MYO3B: variants seen among roughly 807,000 people sequenced by gnomAD.
MYO3B encodes the protein myosin-IIIb.
In MYO3B, 156 loss-of-function variants were observed where a neutral mutation model predicts 174.6. The observed-to-expected ratio is 0.89, with a 90% CI of 0.78 to 1.02. The LOEUF (loss-of-function observed/expected upper bound fraction) is 1.02, where lower values mean the gene tolerates loss of function less well. MYO3B is among the 50% of genes least tolerant of loss of function. MYO3B has a pLI of 0.00. For synonymous variants in MYO3B, 563 were observed against 569.1 expected, an observed-to-expected ratio of 0.99 and a Z score of 0.15; for missense variants, 1,632 against 1,639.4, an observed-to-expected ratio of 1.00 and a Z score of 0.08.
At chr2:170,200,347 T>C (rs2092647890) in intron 3 of MYO3B, 63 bp downstream of exon 3, 1 of 1,563,744 alleles carries the variant, frequency 6.4e-7, no homozygotes, top group Admixed American at 1.9e-5. Flanking sequence ...ACAGATGCTT[T>C]ATTACCTAGA....
Position 170,199,249 on chromosome 2 carries a change from T to C in MYO3B, c.44T>C (p.Leu15Pro). 6.2e-7 allele frequency: 1 copy of C among 1,613,448 alleles called. No homozygotes were observed. Among genetic ancestry groups the C allele is most frequent in the Non-Finnish European group, 8.5e-7 (1 of 1,179,626 alleles). The change falls in exon 2 of 35, where the codon CTT becomes CCT. Residue 15 changes from leucine to proline, a missense_variant. By Grantham distance (98) the Leu-to-Pro change is moderately conservative. Coordinates refer to ENST00000408978, the MANE Select transcript of MYO3B (RefSeq NM_138995.5). ...YGLFHYNPMMLGLESLPDPTD... is the reference protein window; with the variant it reads ...YGLFHYNPMMPGLESLPDPTD... The stretch of plus-strand genomic sequence containing the variant: ...TTATTTCACTATAATCCTATGATGC[T>C]TGGACTTGAATCACTTCCAGATCCC...
intron 32 of MYO3B, among the ~76,000 whole-genome samples, chr2:170,556,196 GAAAA>G (rs560028726): frequency 2.8e-5 from 4 of 142,576 alleles, no homozygotes; most frequent in Admixed American, 7.0e-5. Flanking sequence ...ACTCTGTCTA[GAAAA>G]AAAAAAAAAG....
intron 6 of MYO3B, among the ~76,000 whole-genome samples, chr2:170,235,692 A>C (rs1172931709): frequency 1.3e-5 from 2 of 152,218 alleles, no homozygotes; most frequent in Non-Finnish European, 2.9e-5. Flanking sequence ...AAAGAATAGC[A>C]GGGTTGGGAT....
intron 1 of MYO3B, among the ~76,000 whole-genome samples, chr2:170,182,974 C>T (rs2092420794): frequency 6.7e-6 from 1 of 149,644 alleles, no homozygotes; most frequent in African/African-American, 2.5e-5. Context: ...AAAAACAAAG[C>T]GGCTGGGCGC....
intron 9 of MYO3B, among the ~76,000 whole-genome samples, chr2:170,370,561 C>T (rs1228561954): frequency 6.6e-6 from 1 of 151,088 alleles, no homozygotes; most frequent in African/African-American, 2.4e-5. Flanking sequence ...CCCCAGGGAG[C>T]TGAAATCTCT....
In MYO3B at chr2:170,236,199, TAATA is replaced by T. The variant is rs577629137; in HGVS notation, c.749+68_749+71del. On this transcript the variant is annotated intron_variant, in intron 7 of 34. Transcript: ENST00000408978. The stretch of plus-strand genomic sequence containing the variant: ...TTGTGAAAGCGTCTGGTTAGAGGGA[TAATA>T]AATAGTTTGCAAGCAATTTCTCTCC... The T allele has an allele frequency of 1.3e-4, 201 of 1,592,288 alleles. 3 individuals are homozygous for T. In the South Asian group the frequency reaches 1.8e-3, roughly 14 times the overall value.
intron 23 of MYO3B, among the ~76,000 whole-genome samples, chr2:170,445,216 G>A (rs2094831669): frequency 1.3e-5 from 2 of 152,236 alleles, no homozygotes; most frequent in South Asian, 4.1e-4. Context: ...CAGCATTTGT[G>A]TCATTGAACT....
chr2:170,241,788 T>C (rs924745493), intron 7 of MYO3B, among the ~76,000 whole-genome samples: 1 of 152,038 alleles, frequency 6.6e-6, no homozygotes, highest in African/African-American at 2.4e-5. Context: ...CATCCTGAAA[T>C]AGGATCCTTG....
intron 30 of MYO3B, among the ~76,000 whole-genome samples, chr2:170,535,020 C>A (rs529612787): frequency 1.3e-5 from 2 of 152,298 alleles, no homozygotes; most frequent in East Asian, 3.9e-4. Flanking sequence ...AAATTGCAGA[C>A]CCTGCCTCCA....
intron 32 of MYO3B, among the ~76,000 whole-genome samples, chr2:170,562,903 CTA>C (rs59284490): frequency 0.035 from 5,326 of 152,144 alleles, 291 homozygotes; most frequent in African/African-American, 0.12. Flanking sequence ...TAAAGGGAAA[CTA>C]TGTGAGATGC....
At chr2:170,463,008 T>TA (rs1174516867) in intron 23 of MYO3B, among the ~76,000 whole-genome samples, 17 of 152,236 alleles carry the variant, frequency 1.1e-4, no homozygotes, top group African/African-American at 4.1e-4. Context: ...CACGTCTTTA[T>TA]AATCATTTCG....
chr2:170,377,819 C>T (rs1185446902), intron 9 of MYO3B, among the ~76,000 whole-genome samples: 1 of 152,182 alleles, frequency 6.6e-6, no homozygotes, highest in African/African-American at 2.4e-5. Context: ...AGTGCCTTAC[C>T]ACATACTTTT....
intron 32 of MYO3B, among the ~76,000 whole-genome samples, chr2:170,651,152 A>G (rs1287349516): frequency 2.0e-5 from 3 of 152,134 alleles, no homozygotes; most frequent in African/African-American, 7.2e-5. Context: ...ATTTTAGCTC[A>G]AGCCATTTCC....
At chr2:170,197,690 C>T (rs1392532634) in intron 1 of MYO3B, among the ~76,000 whole-genome samples, 3 of 150,900 alleles carry the variant, frequency 2.0e-5, no homozygotes, top group Admixed American at 6.6e-5. Context: ...GAAACAAATT[C>T]GGAACCTCCA....
At chr2:170,184,128 T>TA in intron 1 of MYO3B, among the ~76,000 whole-genome samples, 1 of 152,166 alleles carries the variant, frequency 6.6e-6, no homozygotes, top group Non-Finnish European at 1.5e-5. Flanking sequence ...GATACAGGCA[T>TA]ATAATGCATA....
In MYO3B at chr2:170,554,689, C is replaced by T. The variant is rs1305589518; in HGVS notation, c.3733+10701C>T. ...GTGAAAAGTTCTTGCTAAACTTTTC[C>T]GGTGCTTTCCTGAGTTCGTTAGGTC... is the stretch of plus-strand genomic sequence containing the variant. On this transcript the variant is annotated intron_variant, in intron 32 of 34. Transcript: ENST00000408978. Among the ~76,000 whole-genome samples the T allele has an allele frequency of 9.2e-5, 14 of 152,242 alleles. No homozygotes were observed. The East Asian group carries it at 1.2e-3, about 13-fold the overall frequency.
chr2:170,205,908 G>A (rs543274230), intron 3 of MYO3B, among the ~76,000 whole-genome samples: 1 of 151,946 alleles, frequency 6.6e-6, no homozygotes, highest in South Asian at 2.1e-4. Flanking sequence ...ATATTATATG[G>A]GTAGTATACA....
chr2:170,617,609 T>A (rs2105317006), intron 32 of MYO3B, among the ~76,000 whole-genome samples: 1 of 152,330 alleles, frequency 6.6e-6, no homozygotes, highest in African/African-American at 2.4e-5. Flanking sequence ...TAATTTGGAA[T>A]GTTCAGGTCC....
At chr2:170,546,327 C>T (rs533863022) in intron 32 of MYO3B, among the ~76,000 whole-genome samples, 52 of 152,244 alleles carry the variant, frequency 3.4e-4, no homozygotes, top group African/African-American at 1.2e-3. Flanking sequence ...GCCTAGGTCT[C>T]GAATTGAATT....
Sources: gnomAD v4.1 joint callset for allele counts (sites outside exome capture counted in the v4.1 genomes callset) on GRCh38, gnomAD v4.1.1 for gene constraint, MANE v1.5 for transcripts, NCBI Gene and HGNC (gene_info 2026-07-23, HGNC 2026-07-21) for gene names.